CEP290: variants seen among roughly 807,000 people sequenced by gnomAD.
The protein encoded by CEP290 is centrosomal protein of 290 kDa.
Under a neutral mutation model 344.9 loss-of-function variants are expected in CEP290, and 317 were observed. The ratio of observed to expected loss-of-function variants is 0.92; its 90% CI spans 0.84 to 1.01. CEP290 has a LOEUF of 1.01. Among genes scored for constraint, CEP290 ranks in the 50% least tolerant of loss-of-function variants. CEP290 has a pLI of 0.00. For missense variants in CEP290, 2,754 were observed against 2,761.4 expected (o/e 1.00, Z 0.06); for synonymous variants, 932 against 895.8 (o/e 1.04, Z -0.72).
chr12:88,056,933 A>G (rs1376326332), intron 49 of CEP290, among the ~76,000 whole-genome samples: 1 of 152,178 alleles, frequency 6.6e-6, no homozygotes, highest in Admixed American at 6.5e-5. Context: ...GTCAAGGATC[A>G]AAACGAGCCT....
At position 88,089,281 on chromosome 12, in the gene CEP290, T is replaced by C; in HGVS notation, c.3780A>G (p.Ala1260=). 6.2e-7 allele frequency: 1 copy of C among 1,614,004 alleles called. No individual in the cohort carries two copies. Among genetic ancestry groups the C allele is most frequent in the Non-Finnish European group, 8.5e-7 (1 of 1,179,884 alleles). The part of the protein sequence containing the change: ...YYARLEGRNR[A]KHLRQTIQSL... ...ACTGAATTGTTTGGCGCAGATGTTT[T>C]GCTCTGTTTCTTCCCTCCAAACGAG... is the stretch of plus-strand genomic sequence containing the variant. Residue 1260 remains alanine, a synonymous_variant, in exon 31 of 54, where the codon GCA becomes GCG. Transcript: ENST00000552810.
At position 88,092,747 on chromosome 12, in the gene CEP290, T is replaced by A; in HGVS notation, c.3395A>T (p.Asp1132Val). ...TTCTAGAATCCGTTGCCTATCAGCA[T>A]CACTTACTGCCTTGCTCACACTATC... ...LADSVSKAVS[D>V]ADRQRILELE... Residue 1132 changes from aspartate (D) to valine (V), a missense_variant, in exon 29 of 54, where the codon GAT becomes GTT. By Grantham distance (152) the Asp-to-Val change is radical. Coordinates refer to ENST00000552810, the MANE Select transcript of CEP290 (RefSeq NM_025114.4). 1 of 1,610,134 alleles carries A rather than the reference T, an allele frequency of 6.2e-7. No individual in the cohort carries two copies. The highest frequency in any genetic ancestry group is 8.5e-7 in the Non-Finnish European group (1 of 1,178,320).
chr12:88,140,019 G>C lies in CEP290; in HGVS notation c.181-455C>G, dbSNP rs147241561. ...AATCCTCCTGCCTTGGCCTCCCAAA[G>C]TGCTGGGATTACAGACGTGAGCCAC... On this transcript the variant is annotated intron_variant, in intron 3 of 53. Transcript: ENST00000552810. Among the ~76,000 whole-genome samples the C allele has an allele frequency of 3.8e-3, 575 of 152,282 alleles. 3 individuals carry two copies. Among genetic ancestry groups the C allele is most frequent in the South Asian group, 6.2e-3 (30 of 4,826 alleles).
At chr12:88,108,317 A>T (rs933010606) in intron 23 of CEP290, among the ~76,000 whole-genome samples, 2 of 152,176 alleles carry the variant, frequency 1.3e-5, no homozygotes, top group Non-Finnish European at 2.9e-5. Flanking sequence ...CACCAGAAAA[A>T]AATGTTTATT....
Position 88,071,929 on chromosome 12 carries a change from G to A in CEP290, c.5710-3C>T. ...CTAATTAATTCTTCTTTAGCATTCTGTAACAATAACGAAGGAGGTAGGAAA... is the reference window on the plus strand; with the variant it reads ...CTAATTAATTCTTCTTTAGCATTCTATAACAATAACGAAGGAGGTAGGAAA... On this transcript the variant is annotated splice_polypyrimidine_tract_variant and splice_region_variant and intron_variant, in intron 41 of 53. Transcript: ENST00000552810. 6.3e-7 allele frequency: 1 copy of A among 1,574,804 alleles called. No homozygotes were observed. Among genetic ancestry groups the A allele is most frequent in the East Asian group, 2.3e-5 (1 of 43,158 alleles).
At chr12:88,092,576 A>C in intron 29 of CEP290, 105 bp downstream of exon 29, 1 of 870,768 alleles carries the variant, frequency 1.1e-6, no homozygotes, top group Non-Finnish European at 1.7e-6. Flanking sequence ...AAAAGAAATC[A>C]GTATCAATTA....
intron 27 of CEP290, among the ~76,000 whole-genome samples, chr12:88,094,286 T>C (rs1444269464): frequency 6.6e-6 from 1 of 152,044 alleles, no homozygotes; most frequent in Non-Finnish European, 1.5e-5. Context: ...TAAGAAATTT[T>C]AAAAATGGCA....
Position 88,087,989 on chromosome 12 carries a change from C to T in CEP290, c.4030-45G>A, listed in dbSNP as rs2137252747. The T allele has an allele frequency of 4.0e-6, 3 of 752,460 alleles. No homozygotes were observed. The East Asian group carries it at 1.0e-4, about 26-fold the overall frequency. The allele number at this position is 752,460 out of a possible 1,614,324, so 46.6% of individuals were successfully genotyped here. The stretch of plus-strand genomic sequence containing the variant: ...TACACAAATATAAATGCTATATTAA[C>T]AAATAACATTCCTCCATTGATGATA... On this transcript the variant is annotated intron_variant, in intron 31 of 53. Coordinates refer to ENST00000552810, the MANE Select transcript of CEP290 (RefSeq NM_025114.4).
intron 12 of CEP290, among the ~76,000 whole-genome samples, chr12:88,125,714 G>C (rs2039688492): frequency 6.6e-6 from 1 of 151,828 alleles, no homozygotes; most frequent in Non-Finnish European, 1.5e-5. Flanking sequence ...TTTGCTCTGT[G>C]CTTTCTCTTT....
At chr12:88,082,090 A>G (rs1193307453) in intron 37 of CEP290, among the ~76,000 whole-genome samples, 1 of 152,236 alleles carries the variant, frequency 6.6e-6, no homozygotes, top group Non-Finnish European at 1.5e-5. Context: ...AAATGGAATT[A>G]TAAGTCAAGC....
intron 5 of CEP290, among the ~76,000 whole-genome samples, 159 bp downstream of exon 5, chr12:88,138,986 A>C (rs561464193): frequency 6.6e-6 from 1 of 152,330 alleles, no homozygotes; most frequent in African/African-American, 2.4e-5. Context: ...GTACTATATA[A>C]GGCACATAAT....
rs1051694792 is a variant in CEP290 at position 88,103,085 on chromosome 12, G to C, written c.2818-74C>G. ...TCAAGCACTAGCCACTTTTGAGAAA[G>C]ATAATACAACTTAAAGTAAAACGAA... On this transcript the variant is annotated intron_variant, in intron 25 of 53. Transcript: ENST00000552810. 4.5e-6 allele frequency: 4 copies of C among 880,908 alleles called. No homozygotes were observed. The African/African-American group carries it at 7.1e-5, about 16-fold the overall frequency. The allele number at this position is 880,908 out of a possible 1,614,324, so 54.6% of individuals were successfully genotyped here. A position where few individuals can be genotyped will look rare whatever the true frequency, so the allele number is the denominator to read the frequency against.
Position 88,114,689 on chromosome 12 carries a change from T to C in CEP290, c.1910-127A>G, listed in dbSNP as rs902022241. 7 of 826,682 alleles carry C rather than the reference T, an allele frequency of 8.5e-6. No homozygotes were observed. The African/African-American group carries it at 1.1e-4, about 13-fold the overall frequency. The allele number at this position is 826,682 out of a possible 1,614,324, so 51.2% of individuals were successfully genotyped here. On this transcript the variant is annotated intron_variant, in intron 19 of 53. Coordinates refer to ENST00000552810, the MANE Select transcript of CEP290 (RefSeq NM_025114.4). Reference sequence around the variant, plus strand: ...GGAAAAATCCAAATGTAAATAAACATACAAAAAAATTCAACTATAAATCCA... The same window carrying C: ...GGAAAAATCCAAATGTAAATAAACACACAAAAAAATTCAACTATAAATCCA...
intron 26 of CEP290, among the ~76,000 whole-genome samples, chr12:88,099,831 T>C (rs1336514119): frequency 2.0e-5 from 3 of 152,108 alleles, no homozygotes; most frequent in African/African-American, 7.2e-5. Context: ...CACAGGATAA[T>C]CCTATTGTTT....
intron 31 of CEP290, among the ~76,000 whole-genome samples, chr12:88,088,340 T>C (rs1490866763): frequency 1.3e-5 from 2 of 152,124 alleles, no homozygotes; most frequent in African/African-American, 2.4e-5. Flanking sequence ...TCTTTCTAAA[T>C]GAAGATTAAA....
intron 41 of CEP290, among the ~76,000 whole-genome samples, 168 bp from the exon 42 acceptor site, chr12:88,072,094 G>A (rs2035422009): frequency 6.6e-6 from 1 of 152,054 alleles, no homozygotes; most frequent in Admixed American, 6.6e-5. Context: ...CGAAACGCTT[G>A]GAACCAGCCG....
At chr12:88,111,439 T>C (rs540882466) in intron 21 of CEP290, 88 bp from the exon 22 acceptor site, 2 of 1,255,318 alleles carry the variant, frequency 1.6e-6, no homozygotes, top group Admixed American at 6.4e-5. Context: ...CTGCCAGGAA[T>C]TTTACCTCAA....
At chr12:88,113,190 G>C (rs1782538370) in intron 20 of CEP290, among the ~76,000 whole-genome samples, 1 of 152,052 alleles carries the variant, frequency 6.6e-6, no homozygotes, top group Admixed American at 6.6e-5. Flanking sequence ...ATAGAAGTTA[G>C]GATTTCTTGG....
At chr12:88,076,777 C>T (rs117329486) in intron 41 of CEP290, among the ~76,000 whole-genome samples, 7 of 152,110 alleles carry the variant, frequency 4.6e-5, no homozygotes, top group South Asian at 2.1e-4. Context: ...TCTGAAATAA[C>T]AGCCTAGTCT....
Sources: gnomAD v4.1 joint callset for allele counts (sites outside exome capture counted in the v4.1 genomes callset) on GRCh38, gnomAD v4.1.1 for gene constraint, MANE v1.5 for transcripts, NCBI Gene and HGNC (gene_info 2026-07-23, HGNC 2026-07-21) for gene names.